Variants in LAT2 observed in about 807,000 individuals in gnomAD.
LAT2 encodes linker for activation of T cells family member 2.
LAT2 carries 23 observed loss-of-function variants against 43.4 expected under a neutral mutation model. That is an observed-to-expected ratio of 0.53 (90% confidence interval 0.38 to 0.75). The LOEUF is 0.75. Among genes scored for constraint, LAT2 ranks in the 30% least tolerant of loss-of-function variants. LAT2 has a pLI of 0.00. For synonymous variants in LAT2, 128 were observed against 123.2 expected, an observed-to-expected ratio of 1.04 and a Z score of -0.26; for missense variants, 284 against 310.2, an observed-to-expected ratio of 0.92 and a Z score of 0.64.
rs782518339 is a variant in LAT2, at chr7:74,220,734, TGTGA to T, written c.332+5_332+8del. The T allele has an allele frequency of 5.7e-6, 9 of 1,591,828 alleles. No homozygotes were observed. Among genetic ancestry groups the T allele is most frequent in the Non-Finnish European group, 6.9e-6 (8 of 1,164,638 alleles). Reference sequence around the variant, plus strand: ...AGACACGGGTCGGAGGAAGCCTACATGTGAGTGACCTTGATCCTGTCCCCCCTGC... The same window carrying T: ...AGACACGGGTCGGAGGAAGCCTACATGTGACCTTGATCCTGTCCCCCCTGC... On this transcript the variant is annotated splice_donor_variant and splice_donor_region_variant and intron_variant, in intron 9 of 13. Transcript: ENST00000460943. LOFTEE classifies it high-confidence loss of function. This position sits in a 1 kb window ranked among gnomAD's most constrained non-coding sequence, Gnocchi z 4.5.
chr7:74,228,098 C>T lies in LAT2; in HGVS notation c.*19-846C>T, dbSNP rs540786336. Among the ~76,000 whole-genome samples, 4 of 137,826 alleles carry T rather than the reference C, an allele frequency of 2.9e-5. No individual in the cohort carries two copies. In the South Asian group the frequency reaches 9.4e-4, roughly 32 times the overall value. 90.4% of individuals were successfully genotyped at this position (137,826 alleles called of 152,430 possible). ...GGCTGAGGCACGAGAATCACTTGAACCTGGAAGGAGGAGGTTGCAGTGAGC... is the reference window on the plus strand; with the variant it reads ...GGCTGAGGCACGAGAATCACTTGAATCTGGAAGGAGGAGGTTGCAGTGAGC... On this transcript the variant is annotated intron_variant, in intron 13 of 13. Transcript: ENST00000460943.
chr7:74,223,679 C>T, intron 10 of LAT2, 45 bp from the exon 11 acceptor site: 1 of 1,568,788 alleles, frequency 6.4e-7, no homozygotes, highest in Non-Finnish European at 8.8e-7. Context: ...CCAGGCTTTG[C>T]AGGGTCTGCC....
At chr7:74,218,669 A>T (rs1802133029) in intron 4 of LAT2, among the ~76,000 whole-genome samples, 1 of 152,224 alleles carries the variant, frequency 6.6e-6, no homozygotes, top group African/African-American at 2.4e-5. Context: ...CTTTGGTGCA[A>T]GGAAGGCTAG....
At chr7:74,221,718 TGGA>T in intron 10 of LAT2, 26 bp downstream of exon 10, 1 of 1,600,252 alleles carries the variant, frequency 6.2e-7, no homozygotes, top group East Asian at 2.3e-5. Flanking sequence ...AAGCCGGAGG[TGGA>T]GGAAGTGGTG....
chr7:74,223,148 G>A (rs567521934), intron 10 of LAT2, among the ~76,000 whole-genome samples: 2 of 152,228 alleles, frequency 1.3e-5, no homozygotes, highest in African/African-American at 2.4e-5. Context: ...CCAGCCACCC[G>A]GCATGGGCCT....
At position 74,220,695 on chromosome 7, in the gene LAT2, C is replaced by T. The variant is rs1554715074; in HGVS notation, c.302-9C>T. On this transcript the variant is annotated splice_polypyrimidine_tract_variant and intron_variant, in intron 8 of 13. Coordinates refer to ENST00000460943, the MANE Select transcript of LAT2 (RefSeq NM_032464.3). This position sits in a 1 kb window ranked among gnomAD's most constrained non-coding sequence, Gnocchi z 4.5. ...GGGGCTCAGGCCCAATTCTCGCCTC[C>T]TCCCGCAGGAAGCAGACACGGGTCG... 6.2e-7 allele frequency: 1 copy of T among 1,609,608 alleles called. No individual in the cohort carries two copies. Among genetic ancestry groups the T allele is most frequent in the Non-Finnish European group, 8.5e-7 (1 of 1,176,374 alleles).
At chr7:74,215,308 A>T (rs1393085847) in intron 2 of LAT2, 1 of 152,762 alleles carries the variant, frequency 6.5e-6, no homozygotes, top group East Asian at 1.9e-4. Context: ...CTGGGCTTGC[A>T]GTTGTTTCAG....
intron 1 of LAT2, 21 bp from the exon 2 acceptor site, chr7:74,214,801 T>TC (rs1801976978): frequency 1.7e-5 from 2 of 115,206 alleles, no homozygotes; most frequent in Non-Finnish European, 3.3e-5. Context: ...ATTTTTTTTT[T>TC]TTTTTGTATT....
In LAT2 at chr7:74,227,504, G is replaced by A. The variant is rs146395686; in HGVS notation, c.*19-1440G>A. ...CCAAGTGCTGGGATTACAGGCATGA[G>A]CTACCATGCCTGGCTAATGGGAAGG... On this transcript the variant is annotated intron_variant, in intron 13 of 13. Transcript: ENST00000460943. Among the ~76,000 whole-genome samples, 197 of 152,270 alleles carry A rather than the reference G, an allele frequency of 1.3e-3. 1 individual carries two copies. The highest frequency in any genetic ancestry group is 4.4e-3 in the African/African-American group (184 of 41,556).
At chr7:74,226,503 T>A (rs1554716138) in intron 13 of LAT2, 1 of 152,348 alleles carries the variant, frequency 6.6e-6, no homozygotes, top group East Asian at 1.9e-4. Flanking sequence ...AAAAAAAATT[T>A]AAAAATTAGC....
At chr7:74,227,341 T>A (rs1160376182) in intron 13 of LAT2, among the ~76,000 whole-genome samples, 1 of 152,080 alleles carries the variant, frequency 6.6e-6, no homozygotes, top group Non-Finnish European at 1.5e-5. Flanking sequence ...TGCCTCAGCC[T>A]CCCGAGTAGC....
intron 1 of LAT2, among the ~76,000 whole-genome samples, chr7:74,212,761 A>C (rs1554713340): frequency 6.6e-6 from 1 of 152,188 alleles, no homozygotes; most frequent in African/African-American, 2.4e-5. Context: ...AGTTTCGAGG[A>C]GGGAGAAGGG....
At chr7:74,221,493 C>CA in intron 9 of LAT2, 144 bp from the exon 10 acceptor site, 5 of 395,802 alleles carry the variant, frequency 1.3e-5, no homozygotes, top group Non-Finnish European at 2.3e-5. Flanking sequence ...GTGGGGGAAT[C>CA]AGAGAGGAGA....
In LAT2 at chr7:74,219,988, G is replaced by A. The variant is rs782693931; in HGVS notation, c.207G>A (p.Leu69=). 1.9e-6 allele frequency: 3 copies of A among 1,613,680 alleles called. No homozygotes were observed. The highest frequency in any genetic ancestry group is 1.7e-6 in the Non-Finnish European group (2 of 1,179,990). ...SLVGQAWPGP[L]ADMAPTRKDK... is the part of the protein sequence containing the mutation. ...TCGGGCAGGCATGGCCAGGACCCCT[G>A]GCGGACATGGCACCCACAAGGTAGG... Residue 69 remains leucine (L), a synonymous_variant, in exon 6 of 14, where the codon CTG becomes CTA. Transcript: ENST00000460943.
chr7:74,221,284 G>A (rs1275933969), intron 9 of LAT2, among the ~76,000 whole-genome samples: 1 of 151,816 alleles, frequency 6.6e-6, no homozygotes, highest in African/African-American at 2.4e-5. Flanking sequence ...GCATGGTGGT[G>A]CGTGCCTGTA....
At position 74,221,670 on chromosome 7, in the gene LAT2, G is replaced by A. The variant is rs1173396695; in HGVS notation, c.366G>A (p.Gly122=). The A allele has an allele frequency of 6.2e-7, 1 of 1,613,324 alleles. No individual in the cohort carries two copies. The highest frequency in any genetic ancestry group is 1.7e-5 in the Admixed American group (1 of 59,924). Reference sequence around the variant, plus strand: ...TTGCCATGGAGTATTACAACTGGGGGCGGTTCTCGAAGCCCCCAGAAGGTG... The same window carrying A: ...TTGCCATGGAGTATTACAACTGGGGACGGTTCTCGAAGCCCCCAGAAGGTG... ...DPIAMEYYNW[G]RFSKPPEDDD... The change falls in exon 10 of 14, where the codon GGG becomes GGA. Residue 122 remains glycine (G), a synonymous_variant. Transcript: ENST00000460943.
At chr7:74,214,255 TATATATATATGAAAATATATATATAA>T (rs1563967030) in intron 1 of LAT2, among the ~76,000 whole-genome samples, 36 of 46,322 alleles carry the variant, frequency 7.8e-4, no homozygotes, top group South Asian at 2.1e-3. Context: ...TATATATAAA[TATATATATATGAAAATATATATATAA>T]ATATATATAT....
Position 74,220,760 on chromosome 7 carries a change from CT to C in LAT2, c.332+27del, listed in dbSNP as rs1441198905. On this transcript the variant is annotated intron_variant, in intron 9 of 13. Coordinates refer to ENST00000460943, the MANE Select transcript of LAT2 (RefSeq NM_032464.3). The surrounding 1 kb of genome is among the most constrained non-coding windows in gnomAD (Gnocchi z 4.5). ...GTGAGTGACCTTGATCCTGTCCCCC[CT>C]GCCTCGCCTCTCCCCCTGCCCCACC... 6 of 1,511,780 alleles carry C rather than the reference CT, an allele frequency of 4.0e-6. No individual in the cohort carries two copies. The highest frequency in any genetic ancestry group is 4.8e-5 in the East Asian group (2 of 41,302). The allele number at this position is 1,511,780 out of a possible 1,614,324, so 93.6% of individuals were successfully genotyped here. A position where few individuals can be genotyped will look rare whatever the true frequency, so the allele number is the denominator to read the frequency against.
At chr7:74,219,653 T>C in intron 4 of LAT2, 91 bp from the exon 5 acceptor site, 1 of 1,505,970 alleles carries the variant, frequency 6.6e-7, no homozygotes, top group Non-Finnish European at 9.2e-7. Flanking sequence ...CTGCTTTCCC[T>C]CCTCATCCCT....
Sources: gnomAD v4.1 joint callset for allele counts (sites outside exome capture counted in the v4.1 genomes callset) on GRCh38, gnomAD v4.1.1 for gene constraint, Gnocchi (gnomAD v3.1) non-coding constraint, MANE v1.5 for transcripts, NCBI Gene and HGNC (gene_info 2026-07-23, HGNC 2026-07-21) for gene names.